The following RFX2 variants were observed in gnomAD, a reference collection of about 807,000 sequenced individuals.
The protein encoded by RFX2 is DNA-binding protein RFX2.
Under a neutral mutation model 87.8 loss-of-function variants are expected in RFX2, and 20 were observed. The observed-to-expected ratio is 0.23, with a 90% CI of 0.16 to 0.33. The LOEUF (loss-of-function observed/expected upper bound fraction) is 0.33, where lower values mean the gene tolerates loss of function less well. RFX2 is among the 10% of genes least tolerant of loss of function. The probability of loss-of-function intolerance (pLI) is 1.00; values close to 1 mark genes in which losing one functional copy is unlikely to be tolerated. For missense variants in RFX2, 767 were observed against 1,012.3 expected, an observed-to-expected ratio of 0.76 and a Z score of 3.29; for synonymous variants, 397 against 431.3, an observed-to-expected ratio of 0.92 and a Z score of 0.98.
intron 1 of RFX2, among the ~76,000 whole-genome samples, chr19:6,059,394 AT>A (rs2087395681): frequency 6.6e-6 from 1 of 152,216 alleles, no homozygotes; most frequent in African/African-American, 2.4e-5. Context: ...TGAATTTTGA[AT>A]TAAAAAACCA....
In RFX2 at chr19:6,039,957, G is replaced by A; in HGVS notation, c.522+23C>T. 1 of 1,530,782 alleles carries A rather than the reference G, an allele frequency of 6.5e-7. No homozygotes were observed. The highest frequency in any genetic ancestry group is 8.9e-7 in the Non-Finnish European group (1 of 1,129,342). The allele number at this position is 1,530,782 out of a possible 1,614,324, so 94.8% of individuals were successfully genotyped here. A position where few individuals can be genotyped will look rare whatever the true frequency, so the allele number is the denominator to read the frequency against. Reference sequence around the variant, plus strand: ...GAGAATACTCATGGCCTACCCTGCTGGTCCCAAGAGCCTCCTACATACCGT... The same window carrying A: ...GAGAATACTCATGGCCTACCCTGCTAGTCCCAAGAGCCTCCTACATACCGT... On this transcript the variant is annotated intron_variant, in intron 5 of 17. Transcript: ENST00000303657. The surrounding 1 kb of genome is among the most constrained non-coding windows in gnomAD (Gnocchi z 5.2).
chr19:6,062,025 G>T (rs770045227), intron 1 of RFX2, among the ~76,000 whole-genome samples: 9 of 152,106 alleles, frequency 5.9e-5, no homozygotes, highest in Non-Finnish European at 1.2e-4. Context: ...GGCCGGGGAA[G>T]GTGGCTGATG....
At chr19:6,100,995 A>G (rs192250420) in intron 1 of RFX2, among the ~76,000 whole-genome samples, 5 of 152,232 alleles carry the variant, frequency 3.3e-5, no homozygotes, top group Non-Finnish European at 2.9e-5. Context: ...TGCTCCTGAG[A>G]CATATCCTGC....
Position 5,999,948 on chromosome 19 carries a change from T to C in RFX2, c.1859+1867A>G, listed in dbSNP as rs1317300067. Among the ~76,000 whole-genome samples the C allele has an allele frequency of 6.7e-6, 1 of 149,680 alleles. No homozygotes were observed. The highest frequency in any genetic ancestry group is 6.6e-5 in the Admixed American group (1 of 15,048). ...AGGAGACAGCTGAGAACAGGGGTGC[T>C]GGCTGGCCAGCTGAGGGGTCAGCAA... On this transcript the variant is annotated intron_variant, in intron 15 of 17. Coordinates refer to ENST00000303657, the MANE Select transcript of RFX2 (RefSeq NM_000635.4). The surrounding 1 kb of genome is among the most constrained non-coding windows in gnomAD (Gnocchi z 4.1).
intron 17 of RFX2, 68 bp downstream of exon 17, chr19:5,995,533 G>T: frequency 1.4e-6 from 2 of 1,467,446 alleles, no homozygotes; most frequent in South Asian, 1.2e-5. Flanking sequence ...AGATGGGGCA[G>T]ACAGGCCACG....
chr19:6,040,315 G>A lies in RFX2; in HGVS notation c.261-74C>T. The A allele has an allele frequency of 7.0e-7, 1 of 1,437,800 alleles. No individual in the cohort carries two copies. Among genetic ancestry groups the A allele is most frequent in the Non-Finnish European group, 9.3e-7 (1 of 1,078,478 alleles). The allele number at this position is 1,437,800 out of a possible 1,614,324, so 89.1% of individuals were successfully genotyped here. A position where few individuals can be genotyped will look rare whatever the true frequency, so the allele number is the denominator to read the frequency against. The stretch of plus-strand genomic sequence containing the variant: ...CCTTGTCTGAGTTCACAGATATCCA[G>A]CCAAACATCACGTAAAAGCTGCAAC... On this transcript the variant is annotated intron_variant, in intron 4 of 17. Coordinates refer to ENST00000303657, the MANE Select transcript of RFX2 (RefSeq NM_000635.4). This position sits in a 1 kb window ranked among gnomAD's most constrained non-coding sequence, Gnocchi z 6.1.
intron 5 of RFX2, among the ~76,000 whole-genome samples, chr19:6,032,713 C>A (rs2086967778): frequency 6.6e-6 from 1 of 152,300 alleles, no homozygotes; most frequent in African/African-American, 2.4e-5. Context: ...AATTATTTTC[C>A]CTCAGTCTCT....
At chr19:6,090,181 T>C (rs1436101096) in intron 1 of RFX2, among the ~76,000 whole-genome samples, 1 of 152,082 alleles carries the variant, frequency 6.6e-6, no homozygotes, top group Non-Finnish European at 1.5e-5. Context: ...TTGCCCAGGC[T>C]GGTCTTGAAC....
rs533027126 is a variant in RFX2, at chr19:6,053,154, A to T, written c.-8-5650T>A. Among the ~76,000 whole-genome samples, 6 of 152,306 alleles carry T rather than the reference A, an allele frequency of 3.9e-5. No individual in the cohort carries two copies. The East Asian group carries it at 5.8e-4, about 15-fold the overall frequency. On this transcript the variant is annotated intron_variant, in intron 1 of 17. Transcript: ENST00000303657. ...AAAGCAATATTTCTTCAAAACTGAA[A>T]TTTTTTCAGAAGAAGAAAGGAGCTA...
chr19:6,100,812 A>G (rs539362611), intron 1 of RFX2, among the ~76,000 whole-genome samples: 2 of 151,914 alleles, frequency 1.3e-5, no homozygotes, highest in Admixed American at 1.3e-4. Context: ...CAAGGCTGGC[A>G]ATTAATTGAA....
At chr19:6,100,711 C>T (rs991929215) in intron 1 of RFX2, among the ~76,000 whole-genome samples, 1 of 152,074 alleles carries the variant, frequency 6.6e-6, no homozygotes, top group Non-Finnish European at 1.5e-5. Context: ...CTCCACCATC[C>T]GGCAGTTCGT....
At chr19:5,996,314 G>A (rs555566743) in intron 16 of RFX2, among the ~76,000 whole-genome samples, 1 of 152,250 alleles carries the variant, frequency 6.6e-6, no homozygotes, top group African/African-American at 2.4e-5. Flanking sequence ...GAGAGGGAGC[G>A]ACCGTGCAGC....
At chr19:6,094,905 G>A (rs2087998973) in intron 1 of RFX2, among the ~76,000 whole-genome samples, 1 of 152,086 alleles carries the variant, frequency 6.6e-6, no homozygotes. Flanking sequence ...GAGGCGGGTG[G>A]ATCACGAGGT....
At chr19:6,096,607 C>T (rs956337424) in intron 1 of RFX2, among the ~76,000 whole-genome samples, 2 of 151,996 alleles carry the variant, frequency 1.3e-5, no homozygotes, top group South Asian at 2.1e-4. Context: ...CCACCATGCC[C>T]GACTAATTTT....
Position 6,047,532 on chromosome 19 carries a change from G to A in RFX2, c.-8-28C>T, listed in dbSNP as rs776787284. 2.3e-5 allele frequency: 36 copies of A among 1,555,398 alleles called. No homozygotes were observed. In the East Asian group the frequency reaches 8.3e-4, roughly 36 times the overall value. On this transcript the variant is annotated intron_variant, in intron 1 of 17. Coordinates refer to ENST00000303657, the MANE Select transcript of RFX2 (RefSeq NM_000635.4). This position sits in a 1 kb window ranked among gnomAD's most constrained non-coding sequence, Gnocchi z 4.2. ...AAAGAAAGGCGGAGAGAGATTGGGT[G>A]GGCAAGGGCTGCAAGCACTGAAATC...
At position 6,073,060 on chromosome 19, in the gene RFX2, AC is replaced by A. The variant is rs369721339; in HGVS notation, c.-8-25557del. 1.8e-3 allele frequency: 814 copies of A among 461,982 alleles called. 11 individuals carry two copies. Among genetic ancestry groups the A allele is most frequent in the African/African-American group, 0.015 (754 of 49,798 alleles). 28.6% of individuals were successfully genotyped at this position (461,982 alleles called of 1,614,324 possible). ...AGTGGTGCGATCTCAGCTCACTGCA[AC>A]CTCCGCCTTCCGGGTTGAAGCAATT... is the stretch of plus-strand genomic sequence containing the variant. On this transcript the variant is annotated intron_variant, in intron 1 of 17. Coordinates refer to ENST00000303657, the MANE Select transcript of RFX2 (RefSeq NM_000635.4).
chr19:6,109,713 G>A (rs564196242), intron 1 of RFX2, among the ~76,000 whole-genome samples: 15 of 152,202 alleles, frequency 9.9e-5, no homozygotes, highest in Non-Finnish European at 2.1e-4. Flanking sequence ...AGGGCCCCAG[G>A]TGGCCCCAAT....
chr19:6,066,238 A>G (rs2087509372), intron 1 of RFX2, among the ~76,000 whole-genome samples: 1 of 152,102 alleles, frequency 6.6e-6, no homozygotes, highest in South Asian at 2.1e-4. Context: ...TACACATCCC[A>G]CTGAGGGCCA....
intron 5 of RFX2, among the ~76,000 whole-genome samples, chr19:6,033,673 A>G (rs1276718537): frequency 2.0e-5 from 3 of 151,524 alleles, no homozygotes; most frequent in African/African-American, 7.3e-5. Context: ...AGATAGGATC[A>G]CACACTTGCC....
Sources: allele counts gnomAD v4.1 joint callset (sites outside exome capture counted in the v4.1 genomes callset), GRCh38; gene constraint gnomAD v4.1.1; non-coding constraint Gnocchi (gnomAD v3.1); transcripts MANE v1.5; gene names NCBI Gene and HGNC (gene_info 2026-07-23, HGNC 2026-07-21).